The following FRK variants were observed in gnomAD, a reference collection of about 807,000 sequenced individuals.
FRK encodes the protein fyn related Src family tyrosine kinase, also known as tyrosine-protein kinase FRK.
Under a neutral mutation model 56.4 loss-of-function variants are expected in FRK, and 51 were observed. The ratio of observed to expected loss-of-function variants is 0.90; its 90% CI spans 0.72 to 1.14. The LOEUF (loss-of-function observed/expected upper bound fraction) is 1.14, where lower values mean the gene tolerates loss of function less well. Among genes scored for constraint, FRK ranks in the 50% most tolerant of loss-of-function variants. The pLI is 0.00. For synonymous variants in FRK, 245 were observed against 217.9 expected, an observed-to-expected ratio of 1.12 and a Z score of -1.10; for missense variants, 570 against 601.4, an observed-to-expected ratio of 0.95 and a Z score of 0.55.
At chr6:116,015,061 C>T (rs1437291971) in intron 1 of FRK, among the ~76,000 whole-genome samples, 8 of 152,176 alleles carry the variant, frequency 5.3e-5, no homozygotes, top group African/African-American at 1.9e-4. Flanking sequence ...GCCACAACCA[C>T]AACCTACCAC....
At chr6:116,099,597 G>A in the FRK span, among the ~76,000 whole-genome samples, 1 of 152,176 alleles carries the variant, frequency 6.6e-6, no homozygotes, top group Non-Finnish European at 1.5e-5. Context: ...TCCTATTCCA[G>A]AGAGATTTGT....
At chr6:116,021,540 G>C (rs574381096) in intron 1 of FRK, among the ~76,000 whole-genome samples, 1 of 152,026 alleles carries the variant, frequency 6.6e-6, no homozygotes, top group Non-Finnish European at 1.5e-5. Flanking sequence ...AGTTTGACTT[G>C]ACAAGCAGAG....
the FRK span, among the ~76,000 whole-genome samples, chr6:116,088,275 A>G: frequency 6.6e-6 from 1 of 152,224 alleles, no homozygotes; most frequent in African/African-American, 2.4e-5. Flanking sequence ...TCCATGAGAA[A>G]GATGCAGTAA....
the FRK span, among the ~76,000 whole-genome samples, chr6:116,100,578 C>A: frequency 6.6e-6 from 1 of 152,162 alleles, no homozygotes; most frequent in Non-Finnish European, 1.5e-5. Context: ...GGCTACGTGC[C>A]TACAGGTCTC....
chr6:115,941,379 A>G lies in FRK; in HGVS notation c.*1035T>C, dbSNP rs1772173754. 6.6e-6 allele frequency: 1 copy of G among 152,142 alleles called. No homozygotes were observed. The highest frequency in any genetic ancestry group is 2.4e-5 in the African/African-American group (1 of 41,418). 9.4% of individuals were successfully genotyped at this position (152,142 alleles called of 1,614,324 possible). A position where few individuals can be genotyped will look rare whatever the true frequency, so the allele number is the denominator to read the frequency against. ...GCTAGGGGAGGAACAGCACTAGGAGAAATGCCTAATGTAGACGACGGGTTG... is the reference window on the plus strand; with the variant it reads ...GCTAGGGGAGGAACAGCACTAGGAGGAATGCCTAATGTAGACGACGGGTTG... On this transcript the variant is annotated 3_prime_UTR_variant, in exon 8 of 8. Coordinates refer to ENST00000606080, the MANE Select transcript of FRK (RefSeq NM_002031.3).
rs1244967264 is a variant in FRK at position 115,941,061 on chromosome 6, C to T, written c.*1353G>A. The T allele has an allele frequency of 1.3e-5, 2 of 152,142 alleles. No homozygotes were observed. Among genetic ancestry groups the T allele is most frequent in the African/African-American group, 4.8e-5 (2 of 41,408 alleles). The allele number at this position is 152,142 out of a possible 1,614,324, so 9.4% of individuals were successfully genotyped here. ...AGACACATGCATGTTTATTGTGGCACTATTCACAATAGCAAAGACTTGGAA... is the reference window on the plus strand; with the variant it reads ...AGACACATGCATGTTTATTGTGGCATTATTCACAATAGCAAAGACTTGGAA... On this transcript the variant is annotated 3_prime_UTR_variant, in exon 8 of 8. Transcript: ENST00000606080.
chr6:116,075,401 C>CAA, the FRK span, among the ~76,000 whole-genome samples: 2 of 147,760 alleles, frequency 1.4e-5, no homozygotes, highest in Non-Finnish European at 1.5e-5. Flanking sequence ...AGTAAGCCCC[C>CAA]AAAAAAGCTA....
intron 1 of FRK, among the ~76,000 whole-genome samples, chr6:116,042,650 A>G (rs1776767110): frequency 6.6e-6 from 1 of 152,198 alleles, no homozygotes; most frequent in African/African-American, 2.4e-5. Context: ...TGTAAAGACC[A>G]TCGACACTGT....
chr6:116,063,185 A>G (rs1304959010), upstream of FRK, among the ~76,000 whole-genome samples: 1 of 152,216 alleles, frequency 6.6e-6, no homozygotes, highest in Admixed American at 6.5e-5. Context: ...GTTAGAAATA[A>G]CATCCAGGAA....
chr6:115,947,858 A>T (rs1772530596), intron 5 of FRK, among the ~76,000 whole-genome samples: 2 of 152,202 alleles, frequency 1.3e-5, no homozygotes, highest in African/African-American at 4.8e-5. Flanking sequence ...GCCTTTTGAT[A>T]TCAAATTCAC....
Position 115,942,305 on chromosome 6 carries a change from G to T in FRK, c.*109C>A. The T allele has an allele frequency of 1.1e-6, 1 of 893,460 alleles. No individual in the cohort carries two copies. The highest frequency in any genetic ancestry group is 1.7e-6 in the Non-Finnish European group (1 of 573,884). 55.3% of individuals were successfully genotyped at this position (893,460 alleles called of 1,614,324 possible). A position where few individuals can be genotyped will look rare whatever the true frequency, so the allele number is the denominator to read the frequency against. The stretch of plus-strand genomic sequence containing the variant: ...CATGGCCAACTTTATCCTATCACTT[G>T]AATATGTCAGGATAAACTGATTGTG... On this transcript the variant is annotated 3_prime_UTR_variant, in exon 8 of 8. Coordinates refer to ENST00000606080, the MANE Select transcript of FRK (RefSeq NM_002031.3).
chr6:116,087,103 C>T, the FRK span, among the ~76,000 whole-genome samples: 6 of 152,308 alleles, frequency 3.9e-5, no homozygotes, highest in East Asian at 1.9e-4. Flanking sequence ...GCCAAAATAA[C>T]GTCTCCTCTT....
At chr6:115,979,737 G>T (rs909103855) in intron 2 of FRK, among the ~76,000 whole-genome samples, 1 of 152,006 alleles carries the variant, frequency 6.6e-6, no homozygotes, top group Non-Finnish European at 1.5e-5. Context: ...TTACTGTGTC[G>T]CTTATATGTT....
chr6:115,983,518 C>T (rs1228300747), intron 2 of FRK, among the ~76,000 whole-genome samples: 2 of 152,166 alleles, frequency 1.3e-5, no homozygotes, highest in Non-Finnish European at 2.9e-5. Context: ...CCATCTAATA[C>T]CATGACTCTA....
At chr6:115,993,543 A>T (rs1262007487) in intron 2 of FRK, among the ~76,000 whole-genome samples, 1 of 151,908 alleles carries the variant, frequency 6.6e-6, no homozygotes, top group East Asian at 1.9e-4. Context: ...GAATTTAAAC[A>T]TTAATATAAA....
At chr6:116,029,721 T>G (rs1325116031) in intron 1 of FRK, among the ~76,000 whole-genome samples, 1 of 152,120 alleles carries the variant, frequency 6.6e-6, no homozygotes, top group African/African-American at 2.4e-5. Flanking sequence ...ACAAGGAAAC[T>G]GAGATGTTTT....
chr6:116,006,196 T>C (rs1425963185), intron 1 of FRK, among the ~76,000 whole-genome samples: 3 of 152,202 alleles, frequency 2.0e-5, no homozygotes, highest in East Asian at 1.9e-4. Flanking sequence ...AGTAGAAAAA[T>C]TGGCATAGGA....
the FRK span, among the ~76,000 whole-genome samples, chr6:116,089,284 TC>T: frequency 6.6e-6 from 1 of 152,030 alleles, no homozygotes; most frequent in Non-Finnish European, 1.5e-5. Context: ...GCTTCAAATT[TC>T]CCCCCACTCA....
At chr6:116,004,416 A>T (rs1367859662) in intron 1 of FRK, among the ~76,000 whole-genome samples, 2 of 152,164 alleles carry the variant, frequency 1.3e-5, no homozygotes, top group Non-Finnish European at 2.9e-5. Flanking sequence ...GGAGGCAAAT[A>T]TTCCAATCAA....
Sources: allele counts gnomAD v4.1 joint callset (sites outside exome capture counted in the v4.1 genomes callset), GRCh38; gene constraint gnomAD v4.1.1; transcripts MANE v1.5; gene names NCBI Gene and HGNC (gene_info 2026-07-23, HGNC 2026-07-21).